Variants in ATG3 observed in about 807,000 individuals in gnomAD.
The protein encoded by ATG3 is autophagy related 3.
Under a neutral mutation model 50.7 loss-of-function variants are expected in ATG3, and 25 were observed. The ratio of observed to expected loss-of-function variants is 0.49; its 90% CI spans 0.36 to 0.69. The LOEUF (loss-of-function observed/expected upper bound fraction) is 0.69. Ranked by LOEUF, ATG3 falls within the 30% of genes least tolerant of loss-of-function variation. The probability of loss-of-function intolerance (pLI) is 0.00; values close to 1 mark genes in which losing one functional copy is unlikely to be tolerated. For missense variants in ATG3, 281 were observed against 376.0 expected (o/e 0.75, Z 2.09); for synonymous variants, 119 against 125.5 (o/e 0.95, Z 0.34).
At chr3:112,544,142 T>G (rs369226933) in intron 5 of ATG3, 36 bp from the exon 6 acceptor site, 1 of 1,472,534 alleles carries the variant, frequency 6.8e-7, no homozygotes, top group African/African-American at 1.4e-5. Flanking sequence ...TAACTAAAAT[T>G]AAACTGTAAA....
chr3:112,558,557 T>G, intron 1 of ATG3, 140 bp from the exon 2 acceptor site: 1 of 643,360 alleles, frequency 1.6e-6, no homozygotes, highest in Non-Finnish European at 2.8e-6. Flanking sequence ...ATCTAATCTA[T>G]AATCTATCTA....
At chr3:112,545,171 G>A (rs1005466931) in intron 5 of ATG3, among the ~76,000 whole-genome samples, 6 of 152,154 alleles carry the variant, frequency 3.9e-5, no homozygotes, top group African/African-American at 1.2e-4. Context: ...TTGCTTGAGT[G>A]TTATACCCAG....
At chr3:112,554,875 TTA>T (rs1303826699) in intron 2 of ATG3, among the ~76,000 whole-genome samples, 2 of 152,194 alleles carry the variant, frequency 1.3e-5, no homozygotes, top group South Asian at 2.1e-4. Context: ...GATAGAAACT[TTA>T]TGTTTCTGTT....
At chr3:112,534,151 T>C (rs1316600626) in intron 11 of ATG3, 118 bp downstream of exon 11, 2 of 1,462,958 alleles carry the variant, frequency 1.4e-6, no homozygotes, top group African/African-American at 2.9e-5. Context: ...ACTAGGATTT[T>C]CAGATGAGAA....
chr3:112,559,175 G>A (rs939280729), intron 1 of ATG3, among the ~76,000 whole-genome samples: 2 of 152,174 alleles, frequency 1.3e-5, no homozygotes, highest in Non-Finnish European at 1.5e-5. Flanking sequence ...AATTCAGCCA[G>A]TCTTATTTAA....
intron 2 of ATG3, among the ~76,000 whole-genome samples, chr3:112,555,271 C>T (rs1360420144): frequency 6.6e-6 from 1 of 152,152 alleles, no homozygotes; most frequent in Non-Finnish European, 1.5e-5. Context: ...CCCTCATTAG[C>T]AATGGCCATC....
At chr3:112,558,441 A>T in intron 1 of ATG3, 24 bp from the exon 2 acceptor site, 1 of 1,522,180 alleles carries the variant, frequency 6.6e-7, no homozygotes. Context: ...AAAGAAAAAC[A>T]ATATTATATC....
At chr3:112,536,434 C>A (rs779003356) in intron 10 of ATG3, 41 bp downstream of exon 10, 3 of 1,597,334 alleles carry the variant, frequency 1.9e-6, no homozygotes, top group East Asian at 2.2e-5. Flanking sequence ...ATGAAATATA[C>A]AATCACATCA....
intron 5 of ATG3, among the ~76,000 whole-genome samples, chr3:112,547,885 T>A (rs1291768749): frequency 1.3e-5 from 2 of 152,210 alleles, no homozygotes; most frequent in African/African-American, 4.8e-5. Context: ...GTTCCTGTCA[T>A]AGAGGAGCAC....
At chr3:112,550,101 G>A in intron 4 of ATG3, 91 bp downstream of exon 4, 1 of 908,516 alleles carries the variant, frequency 1.1e-6, no homozygotes, top group South Asian at 1.7e-5. Context: ...ATAAAACTAA[G>A]GAAAAAATTT....
intron 1 of ATG3, 117 bp downstream of exon 1, chr3:112,561,340 G>T: frequency 9.6e-7 from 1 of 1,036,464 alleles, no homozygotes; most frequent in Non-Finnish European, 1.5e-6. Flanking sequence ...TGTGTCTCGA[G>T]CCCTACTGCC....
intron 7 of ATG3, among the ~76,000 whole-genome samples, chr3:112,538,765 C>T (rs1163784710): frequency 1.3e-5 from 2 of 152,144 alleles, no homozygotes; most frequent in African/African-American, 2.4e-5. Context: ...ACGATTTCAT[C>T]CAGACTCAAT....
intron 2 of ATG3, among the ~76,000 whole-genome samples, chr3:112,553,807 ACTT>A (rs973380109): frequency 1.3e-5 from 2 of 152,294 alleles, no homozygotes; most frequent in Admixed American, 6.5e-5. Flanking sequence ...CACTGGGCAC[ACTT>A]CTTCCTCTTC....
chr3:112,541,396 A>T (rs1425461358), intron 7 of ATG3, among the ~76,000 whole-genome samples: 1 of 152,030 alleles, frequency 6.6e-6, no homozygotes, highest in African/African-American at 2.4e-5. Flanking sequence ...AAAAAGAAAA[A>T]AAAAAGGCCC....
chr3:112,555,098 C>A (rs1278978342), intron 2 of ATG3, among the ~76,000 whole-genome samples: 1 of 152,112 alleles, frequency 6.6e-6, no homozygotes, highest in African/African-American at 2.4e-5. Context: ...ATAAAAAATT[C>A]TTTCATTGTA....
At chr3:112,544,426 C>T (rs1210984698) in intron 5 of ATG3, among the ~76,000 whole-genome samples, 1 of 152,096 alleles carries the variant, frequency 6.6e-6, no homozygotes, top group Non-Finnish European at 1.5e-5. Flanking sequence ...GAAGCTGGGG[C>T]GGGTGGATCA....
At chr3:112,535,496 C>T (rs1187338846) in intron 10 of ATG3, 1 of 151,990 alleles carries the variant, frequency 6.6e-6, no homozygotes, top group South Asian at 2.1e-4. Context: ...GACCTTAAAC[C>T]ATAAGAGGAA....
At chr3:112,541,195 T>A (rs1023329743) in intron 7 of ATG3, among the ~76,000 whole-genome samples, 1 of 152,142 alleles carries the variant, frequency 6.6e-6, no homozygotes, top group African/African-American at 2.4e-5. Flanking sequence ...GAGACCATCC[T>A]GGCCAACATG....
At chr3:112,541,165 G>A (rs1460143796) in intron 7 of ATG3, among the ~76,000 whole-genome samples, 4 of 152,050 alleles carry the variant, frequency 2.6e-5, no homozygotes, top group South Asian at 2.1e-4. Flanking sequence ...CGAGGTGGGC[G>A]ATCATGAGGT....
Sources: allele counts gnomAD v4.1 joint callset (sites outside exome capture counted in the v4.1 genomes callset), GRCh38; gene constraint gnomAD v4.1.1; transcripts MANE v1.5; gene names NCBI Gene and HGNC (gene_info 2026-07-23, HGNC 2026-07-21).